Variants in SIRT1 observed in about 807,000 individuals in gnomAD.
SIRT1 encodes sirtuin 1, also known as NAD-dependent protein deacetylase sirtuin-1.
In SIRT1, 24 loss-of-function variants were observed where a neutral mutation model predicts 67.9. The ratio of observed to expected loss-of-function variants is 0.35; its 90% CI spans 0.26 to 0.50. The LOEUF is 0.50. Ranked by LOEUF, SIRT1 falls within the 20% of genes least tolerant of loss-of-function variation. The pLI is 0.98. For missense variants in SIRT1, 873 were observed against 937.2 expected (o/e 0.93, Z 0.89); for synonymous variants, 378 against 350.7 (o/e 1.08, Z -0.87).
intron 7 of SIRT1, among the ~76,000 whole-genome samples, chr10:67,911,702 G>A (rs1023932632): frequency 1.5e-5 from 2 of 129,680 alleles, no homozygotes; most frequent in Admixed American, 9.2e-5. Context: ...CTTCCCGTCC[G>A]TTCTTCCTTC....
intron 7 of SIRT1, among the ~76,000 whole-genome samples, chr10:67,910,990 G>A (rs1277366246): frequency 6.6e-6 from 1 of 152,140 alleles, no homozygotes; most frequent in Admixed American, 6.5e-5. Flanking sequence ...AAGAAACATG[G>A]AGTCAAGCTC....
intron 8 of SIRT1, among the ~76,000 whole-genome samples, chr10:67,915,302 T>C (rs183624530): frequency 2.9e-4 from 44 of 152,298 alleles, no homozygotes; most frequent in Admixed American, 5.2e-4. Context: ...ACATCTATTA[T>C]GTGTGAAGAG....
intron 4 of SIRT1, among the ~76,000 whole-genome samples, chr10:67,893,483 A>C (rs1328649134): frequency 6.6e-6 from 1 of 151,110 alleles, no homozygotes; most frequent in Non-Finnish European, 1.5e-5. Flanking sequence ...TCCCCACCTA[A>C]TCGTTAGAAG....
chr10:67,917,700 GC>G lies in SIRT1; in HGVS notation c.*1110del, dbSNP rs34934649. 13,549 of 152,622 alleles carry G rather than the reference GC, an allele frequency of 0.089. 1,627 individuals are homozygous for G. The highest frequency in any genetic ancestry group is 0.27 in the African/African-American group (11,370 of 41,488). The allele number at this position is 152,622 out of a possible 1,614,324, so 9.5% of individuals were successfully genotyped here. ...TTTGGTGTTAAATACCAAACTGCTA[GC>G]CCTAGTATTATGGAGATGAACATGA... On this transcript the variant is annotated 3_prime_UTR_variant, in exon 9 of 9. Transcript: ENST00000212015.
At chr10:67,903,719 G>C (rs1842778359) in intron 4 of SIRT1, among the ~76,000 whole-genome samples, 1 of 152,132 alleles carries the variant, frequency 6.6e-6, no homozygotes, top group Non-Finnish European at 1.5e-5. Context: ...CTTTAGTTTT[G>C]ACCACGTTGG....
In SIRT1 at chr10:67,885,058, G is replaced by T; in HGVS notation, c.337G>T (p.Glu113Ter). 7.0e-7 allele frequency: 1 copy of T among 1,432,910 alleles called. No homozygotes were observed. The highest frequency in any genetic ancestry group is 1.4e-5 in the South Asian group (1 of 70,966). The allele number at this position is 1,432,910 out of a possible 1,614,324, so 88.8% of individuals were successfully genotyped here. Residue 113 changes from glutamate (E) to a stop codon, truncating the protein, a stop_gained, in exon 1 of 9, where the codon GAG (glutamate) becomes TAG (stop). Coordinates refer to ENST00000212015, the MANE Select transcript of SIRT1 (RefSeq NM_012238.5). LOFTEE classifies it high-confidence loss of function. ...GCCGGGCCTGCAGGGCCCATCTCGG[G>T]AGCCACCGCTGGCCGACAACTTGTA... ...NGPGLQGPSR[E>*]PPLADNLYDE...
Position 67,884,687 on chromosome 10 carries a change from A to C in SIRT1, c.-35A>C, listed in dbSNP as rs749791819. 6.5e-6 allele frequency: 8 copies of C among 1,226,436 alleles called. No homozygotes were observed. The highest frequency in any genetic ancestry group is 4.3e-5 in the Admixed American group (1 of 23,496). 76.0% of individuals were successfully genotyped at this position (1,226,436 alleles called of 1,614,324 possible). Reference sequence around the variant, plus strand: ...GCCGCGCGTCGAGCGGGAGCAGAGGAGGCGAGGGAGGAGGGCCAGAGAGGC... The same window carrying C: ...GCCGCGCGTCGAGCGGGAGCAGAGGCGGCGAGGGAGGAGGGCCAGAGAGGC... On this transcript the variant is annotated 5_prime_UTR_variant, in exon 1 of 9. Transcript: ENST00000212015.
At chr10:67,907,913 C>G (rs1047951318) in intron 5 of SIRT1, 133 bp from the exon 6 acceptor site, 5 of 666,912 alleles carry the variant, frequency 7.5e-6, no homozygotes, top group Non-Finnish European at 1.2e-5. Flanking sequence ...GGTTTAAAAT[C>G]AAAGTTAAAA....
chr10:67,891,369 T>G, intron 3 of SIRT1, 33 bp from the exon 4 acceptor site: 1 of 1,607,536 alleles, frequency 6.2e-7, no homozygotes, highest in African/African-American at 1.3e-5. Context: ...GGTAGAAGAT[T>G]TAATTTTACA....
At chr10:67,893,648 G>T (rs12252352) in intron 4 of SIRT1, among the ~76,000 whole-genome samples, 2 of 151,158 alleles carry the variant, frequency 1.3e-5, no homozygotes, top group Non-Finnish European at 2.9e-5. Context: ...GAGTTCAAGA[G>T]ATTCTCCTGC....
Position 67,885,048 on chromosome 10 carries a change from C to T in SIRT1, c.327C>T (p.Gly109=). Residue 109 remains glycine, a synonymous_variant, in exon 1 of 9, where the codon GGC becomes GGT. Transcript: ENST00000212015. ...GAGACAATGGGCCGGGCCTGCAGGG[C>T]CCATCTCGGGAGCCACCGCTGGCCG... ...GEGDNGPGLQ[G]PSREPPLADN... The T allele has an allele frequency of 7.0e-7, 1 of 1,424,592 alleles. No homozygotes were observed. Among genetic ancestry groups the T allele is most frequent in the Non-Finnish European group, 9.3e-7 (1 of 1,080,944 alleles). The allele number at this position is 1,424,592 out of a possible 1,614,324, so 88.2% of individuals were successfully genotyped here.
intron 4 of SIRT1, chr10:67,906,286 T>C: frequency 6.3e-7 from 1 of 1,578,758 alleles, no homozygotes; most frequent in Non-Finnish European, 8.6e-7. Flanking sequence ...AAAACAATTT[T>C]GGTAAGGATT....
chr10:67,912,613 A>C lies in SIRT1; in HGVS notation c.1497A>C (p.Lys499Asn), dbSNP rs1173354902. ...ATAGGTTAGGTGGTGAATATGCCAA[A>C]CTTTGCTGTAACCCTGTAAAGCTTT... ...LCHRLGGEYA[K>N]LCCNPVKLSE... Residue 499 changes from lysine to asparagine, a missense_variant, in exon 8 of 9, where the codon AAA (lysine) becomes AAC (asparagine). Lys to Asn is a moderately conservative substitution (Grantham distance 94, BLOSUM62 0). Coordinates refer to ENST00000212015, the MANE Select transcript of SIRT1 (RefSeq NM_012238.5). 1.2e-6 allele frequency: 2 copies of C among 1,614,144 alleles called. No homozygotes were observed. The highest frequency in any genetic ancestry group is 1.7e-6 in the Non-Finnish European group (2 of 1,180,032).
Position 67,887,639 on chromosome 10 carries a change from C to T in SIRT1, c.547+106C>T, listed in dbSNP as rs79269275. On this transcript the variant is annotated intron_variant, in intron 2 of 8. Transcript: ENST00000212015. The stretch of plus-strand genomic sequence containing the variant: ...TTGCGGAGGCTGGAGTGCAATGGCG[C>T]GATCTCGGCTCACCGTACCCTCCGC... 26,402 of 665,634 alleles carry T rather than the reference C, an allele frequency of 0.04. 3,230 individuals are homozygous for T. The East Asian group carries it at 0.4, about 10-fold the overall frequency. The allele number at this position is 665,634 out of a possible 1,614,324, so 41.2% of individuals were successfully genotyped here. A position where few individuals can be genotyped will look rare whatever the true frequency, so the allele number is the denominator to read the frequency against.
chr10:67,895,067 TACTC>T (rs753640287), intron 4 of SIRT1, among the ~76,000 whole-genome samples: 148 of 152,270 alleles, frequency 9.7e-4, no homozygotes, highest in African/African-American at 2.6e-3. Flanking sequence ...TTACAGTTGT[TACTC>T]ACATATAATT....
Position 67,887,464 on chromosome 10 carries a change from T to C in SIRT1, c.478T>C (p.Cys160Arg). The C allele has an allele frequency of 6.2e-7, 1 of 1,613,922 alleles. No individual in the cohort carries two copies. The change falls in exon 2 of 9, where the codon TGT becomes CGT. Residue 160 changes from cysteine to arginine, a missense_variant. Cys to Arg is a radical substitution (Grantham distance 180, BLOSUM62 -3). Transcript: ENST00000212015. ...DEIITNGFHS[C>R]ESDEEDRASH... ...AATTATCACTAATGGTTTTCATTCC[T>C]GTGAAAGTGATGAGGAGGATAGAGC...
Position 67,884,862 on chromosome 10 carries a change from C to T in SIRT1, c.141C>T (p.Ser47=). The T allele has an allele frequency of 8.2e-7, 1 of 1,216,542 alleles. No homozygotes were observed. The highest frequency in any genetic ancestry group is 1.0e-6 in the Non-Finnish European group (1 of 978,234). The allele number at this position is 1,216,542 out of a possible 1,614,324, so 75.4% of individuals were successfully genotyped here. A position where few individuals can be genotyped will look rare whatever the true frequency, so the allele number is the denominator to read the frequency against. Residue 47 remains serine, a synonymous_variant, in exon 1 of 9, where the codon AGC becomes AGT. Coordinates refer to ENST00000212015, the MANE Select transcript of SIRT1 (RefSeq NM_012238.5). ...PRRDGPGLER[S]PGEPGGAAPE... The stretch of plus-strand genomic sequence containing the variant: ...GAGATGGTCCCGGCCTCGAGCGGAG[C>T]CCGGGCGAGCCCGGTGGGGCGGCCC...
chr10:67,916,637 G>T lies in SIRT1; in HGVS notation c.*44G>T. On this transcript the variant is annotated 3_prime_UTR_variant, in exon 9 of 9. Coordinates refer to ENST00000212015, the MANE Select transcript of SIRT1 (RefSeq NM_012238.5). ...ACAGGAATTGTTCCACCAGCATTAGGAACTTTAGCATGTCAAAATGAATGT... is the reference window on the plus strand; with the variant it reads ...ACAGGAATTGTTCCACCAGCATTAGTAACTTTAGCATGTCAAAATGAATGT... 6.7e-7 allele frequency: 1 copy of T among 1,501,168 alleles called. No individual in the cohort carries two copies. Among genetic ancestry groups the T allele is most frequent in the South Asian group, 1.3e-5 (1 of 78,582 alleles). The allele number at this position is 1,501,168 out of a possible 1,614,324, so 93.0% of individuals were successfully genotyped here. A position where few individuals can be genotyped will look rare whatever the true frequency, so the allele number is the denominator to read the frequency against.
chr10:67,884,663 C>T lies in SIRT1; in HGVS notation c.-59C>T. On this transcript the variant is annotated 5_prime_UTR_variant, in exon 1 of 9. Coordinates refer to ENST00000212015, the MANE Select transcript of SIRT1 (RefSeq NM_012238.5). ...AGCCGGAGCCGCGGGGGCGCCAGTG[C>T]CGCGCGTCGAGCGGGAGCAGAGGAG... 4 of 1,224,174 alleles carry T rather than the reference C, an allele frequency of 3.3e-6. No homozygotes were observed. The highest frequency in any genetic ancestry group is 4.2e-5 in the South Asian group (1 of 23,634). The allele number at this position is 1,224,174 out of a possible 1,614,324, so 75.8% of individuals were successfully genotyped here.
Sources: gnomAD v4.1 joint callset for allele counts (sites outside exome capture counted in the v4.1 genomes callset) on GRCh38, gnomAD v4.1.1 for gene constraint, MANE v1.5 for transcripts, NCBI Gene and HGNC (gene_info 2026-07-23, HGNC 2026-07-21) for gene names.